Variants in MYO7B observed in about 807,000 individuals in gnomAD.
MYO7B encodes the protein myosin VIIB.
Under a neutral mutation model 259.7 loss-of-function variants are expected in MYO7B, and 212 were observed. The ratio of observed to expected loss-of-function variants is 0.82; its 90% CI spans 0.73 to 0.91. The LOEUF (loss-of-function observed/expected upper bound fraction) is 0.91. Ranked by LOEUF, MYO7B falls within the 40% of genes least tolerant of loss-of-function variation. The probability of loss-of-function intolerance (pLI) is 0.00; values close to 1 mark genes in which losing one functional copy is unlikely to be tolerated. For missense variants in MYO7B, 2,732 were observed against 2,813.5 expected (o/e 0.97, Z 0.66); for synonymous variants, 1,197 against 1,166.4 (o/e 1.03, Z -0.54).
rs757070652 is a variant in MYO7B, at chr2:127,566,725, A to G, written c.368A>G (p.Tyr123Cys). ...LYTLEQVQLY[Y>C]SRHMGELPPH... ...ACCCTGGAGCAGGTACAGCTCTACT[A>G]CAGCCGCCATATGGGCGAGCTGCCC... Residue 123 changes from tyrosine (Y) to cysteine (C), a missense_variant, in exon 5 of 48, where the codon TAC becomes TGC. By Grantham distance (194) the Tyr-to-Cys change is radical. Coordinates refer to ENST00000409816, the MANE Select transcript of MYO7B (RefSeq NM_001393586.1). 6 of 1,612,000 alleles carry G rather than the reference A, an allele frequency of 3.7e-6. No individual in the cohort carries two copies. The Admixed American group carries it at 1.0e-4, about 27-fold the overall frequency.
chr2:127,569,703 C>T lies in MYO7B; in HGVS notation c.471-86C>T, dbSNP rs1050372788. 2.0e-4 allele frequency: 302 copies of T among 1,483,808 alleles called. 1 individual carries two copies. The highest frequency in any genetic ancestry group is 2.6e-4 in the Non-Finnish European group (289 of 1,101,132). The allele number at this position is 1,483,808 out of a possible 1,614,324, so 91.9% of individuals were successfully genotyped here. On this transcript the variant is annotated intron_variant, in intron 5 of 47. Coordinates refer to ENST00000409816, the MANE Select transcript of MYO7B (RefSeq NM_001393586.1). ...ATCCCTGTCAGACTGGCTCAGAAAGCAGGACTGGGGTTTGCAGGAGAGTTG... is the reference window on the plus strand; with the variant it reads ...ATCCCTGTCAGACTGGCTCAGAAAGTAGGACTGGGGTTTGCAGGAGAGTTG...
rs1440664243 is a variant in MYO7B at position 127,626,985 on chromosome 2, C to T, written c.4226C>T (p.Thr1409Ile). The T allele has an allele frequency of 6.2e-7, 1 of 1,611,306 alleles. No individual in the cohort carries two copies. Among genetic ancestry groups the T allele is most frequent in the Non-Finnish European group, 8.5e-7 (1 of 1,178,980 alleles). Reference protein sequence around the residue: ...VTAACAKAPYTQKQVTPLAVR... With the variant: ...VTAACAKAPYIQKQVTPLAVR... Reference sequence around the variant, plus strand: ...AGGATCCCCCCTCAGGCCCCATACACTCAGAAGCAAGTCACACCACTGGCC... The same window carrying T: ...AGGATCCCCCCTCAGGCCCCATACATTCAGAAGCAAGTCACACCACTGGCC... Residue 1409 changes from threonine to isoleucine, a missense_variant, in exon 32 of 48, where the codon ACT becomes ATT. Physicochemically the swap from Thr to Ile is moderately conservative, Grantham distance 89. This residue lies in a region of MYO7B where 1,906 missense variants were observed against 2,026.4 expected (regional missense o/e 0.94). Coordinates refer to ENST00000409816, the MANE Select transcript of MYO7B (RefSeq NM_001393586.1).
chr2:127,561,966 C>T (rs1387599051), intron 2 of MYO7B, among the ~76,000 whole-genome samples: 2 of 151,740 alleles, frequency 1.3e-5, no homozygotes, highest in Admixed American at 6.6e-5. Context: ...CTTCACATGG[C>T]CTTTCTTCTG....
intron 1 of MYO7B, among the ~76,000 whole-genome samples, chr2:127,551,824 C>T (rs901635561): frequency 5.3e-5 from 8 of 152,080 alleles, no homozygotes; most frequent in East Asian, 3.8e-4. Context: ...AGGTGTTCTG[C>T]GGAGTGGGTG....
chr2:127,605,843 G>A lies in MYO7B; in HGVS notation c.2340-1G>A. The A allele has an allele frequency of 6.2e-7, 1 of 1,613,324 alleles. No homozygotes were observed. Among genetic ancestry groups the A allele is most frequent in the Non-Finnish European group, 8.5e-7 (1 of 1,179,690 alleles). On this transcript the variant is annotated splice_acceptor_variant, in intron 19 of 47. Transcript: ENST00000409816. LOFTEE classifies it high-confidence loss of function. ...GTGTGTGGCTTGCATTGCCCTTCTA[G>A]GAAGGAGTTCCTGAGGCAGAGGCGG... is the stretch of plus-strand genomic sequence containing the variant.
chr2:127,593,517 C>G, intron 17 of MYO7B, 29 bp from the exon 18 acceptor site: 1 of 1,605,070 alleles, frequency 6.2e-7, no homozygotes. Flanking sequence ...GCCCCACCTC[C>G]CACCGATACC....
In MYO7B at chr2:127,566,768, C is replaced by T. The variant is rs751530862; in HGVS notation, c.411C>T (p.Ile137=). The T allele has an allele frequency of 8.0e-5, 129 of 1,612,526 alleles. 1 individual carries two copies. The highest frequency in any genetic ancestry group is 1.6e-4 in the Middle Eastern group (1 of 6,084). Residue 137 remains isoleucine, a synonymous_variant, in exon 5 of 48, where the codon ATC becomes ATT. Coordinates refer to ENST00000409816, the MANE Select transcript of MYO7B (RefSeq NM_001393586.1). ...AGCTGCCCCCGCATGTCTTTGCCATCGCCAACAACTGCTACTTCAGCATGA... is the reference window on the plus strand; with the variant it reads ...AGCTGCCCCCGCATGTCTTTGCCATTGCCAACAACTGCTACTTCAGCATGA... ...MGELPPHVFA[I]ANNCYFSMKR...
Position 127,636,584 on chromosome 2 carries a change from G to T in MYO7B, c.6163G>T (p.Ala2055Ser), listed in dbSNP as rs770613848. The T allele has an allele frequency of 6.2e-7, 1 of 1,612,670 alleles. No homozygotes were observed. Among genetic ancestry groups the T allele is most frequent in the African/African-American group, 1.3e-5 (1 of 74,936 alleles). ...EPSYPDVILI[A>S]INRHGVLLIH... ...TTCCTACCCGGACGTCATCCTCATCGCCATCAACCGACATGGGGTTCTGCT... is the reference window on the plus strand; with the variant it reads ...TTCCTACCCGGACGTCATCCTCATCTCCATCAACCGACATGGGGTTCTGCT... The change falls in exon 46 of 48, where the codon GCC becomes TCC. Residue 2055 changes from alanine to serine, a missense_variant. Transcript: ENST00000409816. This position sits in a 1 kb window ranked among gnomAD's most constrained non-coding sequence, Gnocchi z 4.5.
Position 127,592,939 on chromosome 2 carries a change from G to A in MYO7B, c.2138G>A (p.Arg713Gln), listed in dbSNP as rs780006381. ...RFGVLLPNAM[R>Q]MQLQGKLRQM... ...GGCGTGTTGCTGCCCAACGCCATGCGGATGCAGGTCAGCGCCCCTCGGGGA... is the reference window on the plus strand; with the variant it reads ...GGCGTGTTGCTGCCCAACGCCATGCAGATGCAGGTCAGCGCCCCTCGGGGA... Residue 713 changes from arginine (R) to glutamine (Q), a missense_variant, in exon 17 of 48, where the codon CGG becomes CAG. Physicochemically the swap from Arg to Gln is conservative, Grantham distance 43. Around this residue, in one of 3 missense-constraint regions of MYO7B, gnomAD observed 1,906 missense variants for 2,026.4 expected, o/e 0.94. Transcript: ENST00000409816. 6 of 1,590,918 alleles carry A rather than the reference G, an allele frequency of 3.8e-6. No individual in the cohort carries two copies. Among genetic ancestry groups the A allele is most frequent in the Non-Finnish European group, 5.1e-6 (6 of 1,169,796 alleles).
intron 36 of MYO7B, 123 bp from the exon 37 acceptor site, chr2:127,631,083 G>C: frequency 7.1e-7 from 1 of 1,412,750 alleles, no homozygotes; most frequent in Non-Finnish European, 9.4e-7. Context: ...GGAGTCAGGA[G>C]GGGCTTGCGG....
chr2:127,546,196 CG>C lies in MYO7B; in HGVS notation c.-24+10368del, dbSNP rs1553444971. Among the ~76,000 whole-genome samples the C allele has an allele frequency of 6.6e-6, 1 of 152,246 alleles. No individual in the cohort carries two copies. Among genetic ancestry groups the C allele is most frequent in the Non-Finnish European group, 1.5e-5 (1 of 68,044 alleles). On this transcript the variant is annotated intron_variant, in intron 1 of 47. Transcript: ENST00000409816. This position sits in a 1 kb window ranked among gnomAD's most constrained non-coding sequence, Gnocchi z 4.2. ...GGCAAAGCTTTGTCAGTGCCCCTTC[CG>C]GGCTGGTATCCCATAGGCCAGAGTC... is the stretch of plus-strand genomic sequence containing the variant.
chr2:127,634,402 C>A, intron 41 of MYO7B, 113 bp downstream of exon 41: 1 of 961,402 alleles, frequency 1.0e-6, no homozygotes, highest in Non-Finnish European at 1.6e-6. Flanking sequence ...GACCAGGCTG[C>A]ACGGCCAGGG....
In MYO7B at chr2:127,631,693, C is replaced by T. The variant is rs748730778; in HGVS notation, c.5189C>T (p.Pro1730Leu). 51 of 1,612,936 alleles carry T rather than the reference C, an allele frequency of 3.2e-5. 1 individual carries two copies. Among genetic ancestry groups the T allele is most frequent in the East Asian group, 6.7e-5 (3 of 44,896 alleles). The change falls in exon 38 of 48, where the codon CCG becomes CTG. Residue 1730 changes from proline (P) to leucine (L), a missense_variant. This residue lies in a region of MYO7B where 821 missense variants were observed against 769.3 expected (regional missense o/e 1.07). Transcript: ENST00000409816. ...DQIFTLALQH[P>L]ALQDEVYCQI... is the part of the protein sequence containing the mutation. ...ATCTTCACACTGGCCCTGCAGCACC[C>T]GGCCCTCCAGGACGAGGTCTACTGC...
chr2:127,580,870 G>A (rs768901458), intron 10 of MYO7B, 48 bp downstream of exon 10: 4 of 1,554,884 alleles, frequency 2.6e-6, no homozygotes, highest in Non-Finnish European at 3.5e-6. Flanking sequence ...GGGCCTCAGA[G>A]GCCTGGGCTG....
At chr2:127,552,422 C>A (rs77967890) in intron 1 of MYO7B, among the ~76,000 whole-genome samples, 1 of 152,102 alleles carries the variant, frequency 6.6e-6, no homozygotes, top group Non-Finnish European at 1.5e-5. Flanking sequence ...TGGGACCCAG[C>A]TGGGTCCAGG....
intron 1 of MYO7B, among the ~76,000 whole-genome samples, chr2:127,547,331 A>C (rs945749921): frequency 2.6e-5 from 4 of 152,220 alleles, no homozygotes; most frequent in Non-Finnish European, 4.4e-5. Flanking sequence ...GAGGTTGAAA[A>C]TCGCAGCCTC....
At chr2:127,536,216 C>T (rs1692769471) in intron 1 of MYO7B, among the ~76,000 whole-genome samples, 2 of 152,204 alleles carry the variant, frequency 1.3e-5, no homozygotes, top group Admixed American at 1.3e-4. Context: ...TGATGAGCCC[C>T]TGCCAGATGT....
In MYO7B at chr2:127,597,950, CTT is replaced by C. The variant is rs1361329610; in HGVS notation, c.2339+1398_2339+1399del. Among the ~76,000 whole-genome samples the C allele has an allele frequency of 6.6e-6, 1 of 152,088 alleles. No individual in the cohort carries two copies. Among genetic ancestry groups the C allele is most frequent in the African/African-American group, 2.4e-5 (1 of 41,416 alleles). ...ACTGCGCCCAGCCAGTATTTTGTTA[CTT>C]TTTATTGCTCGGTGGTATTCTATGG... On this transcript the variant is annotated intron_variant, in intron 19 of 47. Coordinates refer to ENST00000409816, the MANE Select transcript of MYO7B (RefSeq NM_001393586.1). This position sits in a 1 kb window ranked among gnomAD's most constrained non-coding sequence, Gnocchi z 4.8.
intron 43 of MYO7B, 30 bp downstream of exon 43, chr2:127,635,256 G>A (rs1681741642): frequency 2.5e-6 from 4 of 1,579,240 alleles, no homozygotes; most frequent in South Asian, 1.1e-5. Context: ...GGTGGGCACT[G>A]GGGCCACCCC....
Sources: gnomAD v4.1 joint callset for allele counts (sites outside exome capture counted in the v4.1 genomes callset) on GRCh38, gnomAD v4.1.1 for gene constraint, gnomAD v4.1.1 regional missense constraint, Gnocchi (gnomAD v3.1) non-coding constraint, MANE v1.5 for transcripts, NCBI Gene and HGNC (gene_info 2026-07-23, HGNC 2026-07-21) for gene names.